Variants in NEGR1 observed in about 807,000 individuals in gnomAD.
The protein encoded by NEGR1 is IgLON family member 4.
Under a neutral mutation model 40.9 loss-of-function variants are expected in NEGR1, and 10 were observed. That is an observed-to-expected ratio of 0.24 (90% CI 0.15 to 0.42). The LOEUF (loss-of-function observed/expected upper bound fraction) is 0.42. Ranked by LOEUF, NEGR1 falls within the 10% of genes least tolerant of loss-of-function variation. The probability of loss-of-function intolerance (pLI) is 1.00; values close to 1 mark genes in which losing one functional copy is unlikely to be tolerated. For missense variants in NEGR1, 352 were observed against 438.9 expected (o/e 0.80, Z 1.77); for synonymous variants, 185 against 166.8 (o/e 1.11, Z -0.84).
intron 2 of NEGR1, among the ~76,000 whole-genome samples, chr1:71,899,425 A>T (rs1661087620): frequency 6.6e-6 from 1 of 152,046 alleles, no homozygotes; most frequent in Non-Finnish European, 1.5e-5. Context: ...TGGGGGAAAA[A>T]GTTAGGGATT....
At chr1:71,780,367 A>T (rs2101723171) in intron 2 of NEGR1, among the ~76,000 whole-genome samples, 1 of 152,342 alleles carries the variant, frequency 6.6e-6, no homozygotes, top group Non-Finnish European at 1.5e-5. Flanking sequence ...TAATATCCTC[A>T]CTATCTTCAT....
At chr1:71,818,208 C>A (rs568518844) in intron 2 of NEGR1, among the ~76,000 whole-genome samples, 2 of 151,992 alleles carry the variant, frequency 1.3e-5, no homozygotes, top group South Asian at 2.1e-4. Flanking sequence ...GAATATAAAT[C>A]ATTCTACCAT....
chr1:71,658,704 G>C (rs1651952654), intron 4 of NEGR1, among the ~76,000 whole-genome samples: 1 of 152,112 alleles, frequency 6.6e-6, no homozygotes, highest in Non-Finnish European at 1.5e-5. Flanking sequence ...AAATTAAACA[G>C]AGTTTCTGAA....
chr1:72,262,728 G>A lies in NEGR1; in HGVS notation c.176+19591C>T, dbSNP rs113280890. Among the ~76,000 whole-genome samples the A allele has an allele frequency of 3.1e-3, 475 of 151,774 alleles. 2 individuals carry two copies. Among genetic ancestry groups the A allele is most frequent in the African/African-American group, 0.011 (454 of 41,434 alleles). On this transcript the variant is annotated intron_variant, in intron 1 of 6. Transcript: ENST00000357731. ...AAGGTACATATATGCTTAATTAGTG[G>A]TACATTATTTGAAGATATTTGTCTT...
At chr1:72,088,055 C>T (rs905868413) in intron 1 of NEGR1, among the ~76,000 whole-genome samples, 1 of 152,138 alleles carries the variant, frequency 6.6e-6, no homozygotes, top group Middle Eastern at 3.2e-3. Context: ...AAGTTTTGGA[C>T]AATCTTTTCA....
rs561294513 is a variant in NEGR1 at position 72,258,766 on chromosome 1, A to T, written c.176+23553T>A. Among the ~76,000 whole-genome samples, 146 of 152,290 alleles carry T rather than the reference A, an allele frequency of 9.6e-4. No individual in the cohort carries two copies. In the Middle Eastern group the frequency reaches 0.017, roughly 18 times the overall value. ...ACTAATCTATTTATAAATTTTCTAT[A>T]AATCTACCTATAAATATACTAATGT... On this transcript the variant is annotated intron_variant, in intron 1 of 6. Coordinates refer to ENST00000357731, the MANE Select transcript of NEGR1 (RefSeq NM_173808.3).
intron 2 of NEGR1, among the ~76,000 whole-genome samples, chr1:71,776,614 T>A (rs1656520366): frequency 6.6e-6 from 1 of 152,196 alleles, no homozygotes; most frequent in Admixed American, 6.5e-5. Context: ...AATCAATCTA[T>A]TTTATCCATG....
intron 1 of NEGR1, among the ~76,000 whole-genome samples, chr1:72,083,356 C>T (rs986434490): frequency 4.6e-5 from 7 of 151,518 alleles, no homozygotes; most frequent in African/African-American, 1.7e-4. Context: ...TAGTCTTTTT[C>T]ATTTTTTTAG....
chr1:72,177,090 T>C (rs575880394), intron 1 of NEGR1, among the ~76,000 whole-genome samples: 3 of 152,122 alleles, frequency 2.0e-5, no homozygotes, highest in Admixed American at 6.6e-5. Context: ...ATATTCATTG[T>C]GGACCTATTA....
rs993239847 is a variant in NEGR1 at position 71,404,851 on chromosome 1, T to TG, written c.*2594dup. 1 of 152,214 alleles carries TG rather than the reference T, an allele frequency of 6.6e-6. No individual in the cohort carries two copies. The allele number at this position is 152,214 out of a possible 1,614,324, so 9.4% of individuals were successfully genotyped here. A position where few individuals can be genotyped will look rare whatever the true frequency, so the allele number is the denominator to read the frequency against. ...TCTTGTACAGTCAGGACTGATAAAATGGGGTAATCAGACATTTTATATGTC... is the reference window on the plus strand; with the variant it reads ...TCTTGTACAGTCAGGACTGATAAAATGGGGGTAATCAGACATTTTATATGTC... On this transcript the variant is annotated 3_prime_UTR_variant, in exon 7 of 7. Coordinates refer to ENST00000357731, the MANE Select transcript of NEGR1 (RefSeq NM_173808.3).
At chr1:71,735,692 T>C (rs1246324426) in intron 3 of NEGR1, among the ~76,000 whole-genome samples, 1 of 151,934 alleles carries the variant, frequency 6.6e-6, no homozygotes, top group African/African-American at 2.4e-5. Flanking sequence ...GTATATAAAA[T>C]GTAAAAGTAC....
At chr1:72,250,658 C>T (rs1655057018) in intron 1 of NEGR1, among the ~76,000 whole-genome samples, 1 of 152,098 alleles carries the variant, frequency 6.6e-6, no homozygotes, top group African/African-American at 2.4e-5. Flanking sequence ...ATTAAAGGGG[C>T]TTTAATAAGA....
At chr1:71,422,938 C>T (rs933440177) in intron 6 of NEGR1, 13 of 152,158 alleles carry the variant, frequency 8.5e-5, no homozygotes, top group African/African-American at 3.1e-4. Context: ...TCTGCTAATA[C>T]CAATTATCCT....
chr1:71,956,814 C>A (rs925971627), intron 1 of NEGR1, among the ~76,000 whole-genome samples: 2 of 152,112 alleles, frequency 1.3e-5, no homozygotes, highest in African/African-American at 4.8e-5. Context: ...GACCTGTACT[C>A]TAATTGTTAT....
chr1:71,805,167 A>C (rs904307737), intron 2 of NEGR1, among the ~76,000 whole-genome samples: 8 of 152,132 alleles, frequency 5.3e-5, no homozygotes, highest in Admixed American at 2.0e-4. Context: ...CTGTCTGCTG[A>C]TAAGATGTTA....
intron 2 of NEGR1, among the ~76,000 whole-genome samples, chr1:71,874,639 G>A (rs1227113829): frequency 6.6e-6 from 1 of 152,112 alleles, no homozygotes; most frequent in African/African-American, 2.4e-5. Flanking sequence ...CAGTTAGGAT[G>A]TGAATTTGCT....
At chr1:71,489,187 G>A (rs1646908268) in intron 6 of NEGR1, among the ~76,000 whole-genome samples, 1 of 151,780 alleles carries the variant, frequency 6.6e-6, no homozygotes, top group African/African-American at 2.4e-5. Context: ...AGGCAACTTA[G>A]GGAGCAGGAA....
chr1:72,051,930 C>T (rs548382110), intron 1 of NEGR1, among the ~76,000 whole-genome samples: 1 of 151,548 alleles, frequency 6.6e-6, no homozygotes, highest in Admixed American at 6.6e-5. Flanking sequence ...AGTTTGTCAA[C>T]TTTCCAGAGC....
intron 6 of NEGR1, among the ~76,000 whole-genome samples, chr1:71,499,776 A>G (rs1319584516): frequency 1.3e-5 from 2 of 151,988 alleles, no homozygotes; most frequent in Non-Finnish European, 2.9e-5. Flanking sequence ...ATCTAGTGCA[A>G]TCTATTGTGA....
Sources: gnomAD v4.1 joint callset for allele counts (sites outside exome capture counted in the v4.1 genomes callset) on GRCh38, gnomAD v4.1.1 for gene constraint, MANE v1.5 for transcripts, NCBI Gene and HGNC (gene_info 2026-07-23, HGNC 2026-07-21) for gene names.